The following CACNA2D1 variants were observed in gnomAD, a reference collection of about 807,000 sequenced individuals.
The protein encoded by CACNA2D1 is calcium voltage-gated channel auxiliary subunit alpha2delta 1.
A neutral mutation model predicts 171.5 loss-of-function variants in CACNA2D1; 53 were observed. The ratio of observed to expected loss-of-function variants is 0.31; its 90% CI spans 0.25 to 0.39. CACNA2D1 has a LOEUF of 0.39. Ranked by LOEUF, CACNA2D1 falls within the 10% of genes least tolerant of loss-of-function variation. The pLI, the probability that CACNA2D1 is intolerant of heterozygous loss-of-function variation, is 1.00. For synonymous variants in CACNA2D1, 442 were observed against 443.1 expected, an observed-to-expected ratio of 1.00 and a Z score of 0.03; for missense variants, 903 against 1,299.8, an observed-to-expected ratio of 0.69 and a Z score of 4.69.
chr7:82,210,052 T>C (rs1344480127), intron 3 of CACNA2D1, among the ~76,000 whole-genome samples: 1 of 152,160 alleles, frequency 6.6e-6, no homozygotes, highest in Admixed American at 6.5e-5. Context: ...TCAACTTAAA[T>C]ATAAAAGCTA....
chr7:82,413,534 T>C (rs2129455670), intron 1 of CACNA2D1, among the ~76,000 whole-genome samples: 2 of 152,356 alleles, frequency 1.3e-5, no homozygotes, highest in South Asian at 4.1e-4. Context: ...GGACTTGTTC[T>C]ATTATTCATA....
At chr7:82,364,909 T>G (rs1319580279) in intron 1 of CACNA2D1, among the ~76,000 whole-genome samples, 1 of 152,114 alleles carries the variant, frequency 6.6e-6, no homozygotes, top group Non-Finnish European at 1.5e-5. Flanking sequence ...TCTTTCCTCT[T>G]CAGTAGAGAC....
chr7:82,042,722 G>A (rs1311662133), intron 10 of CACNA2D1, among the ~76,000 whole-genome samples: 1 of 152,018 alleles, frequency 6.6e-6, no homozygotes, highest in East Asian at 1.9e-4. Context: ...TGTTCCTTCT[G>A]CCAAAAACAC....
chr7:82,038,922 A>G (rs1421792548), intron 10 of CACNA2D1, among the ~76,000 whole-genome samples: 1 of 152,210 alleles, frequency 6.6e-6, no homozygotes, highest in Non-Finnish European at 1.5e-5. Context: ...AAGAACGATC[A>G]TCAAAGTAAC....
intron 6 of CACNA2D1, among the ~76,000 whole-genome samples, chr7:82,100,080 G>C (rs258670): frequency 0.84 from 127,560 of 152,054 alleles, 53,939 homozygotes; most frequent in African/African-American, 0.95. Context: ...AAGAAAAATA[G>C]ATTTCAAAGG....
intron 1 of CACNA2D1, among the ~76,000 whole-genome samples, chr7:82,428,274 A>G (rs576544578): frequency 2.6e-4 from 40 of 152,294 alleles, no homozygotes; most frequent in African/African-American, 9.1e-4. Context: ...GTGTAACTTG[A>G]CAGGAATCTG....
Position 81,964,217 on chromosome 7 carries a change from G to T in CACNA2D1, c.2717C>A (p.Ser906Ter). The T allele has an allele frequency of 6.2e-7, 1 of 1,612,798 alleles. No individual in the cohort carries two copies. The highest frequency in any genetic ancestry group is 1.1e-5 in the South Asian group (1 of 91,064). ...AAPKQGAGHR[S>*]AYVPSVADIL... ...GTGGATATTACTGACCACATATGCT[G>T]AGCGATGTCCTGCTCCTTGTTTTGG... is the stretch of plus-strand genomic sequence containing the variant. The change falls in exon 33 of 39, where the codon TCA (serine) becomes TAA (stop). Residue 906 changes from serine (S) to a stop codon, truncating the protein, a stop_gained. Transcript: ENST00000356860. LOFTEE classifies it high-confidence loss of function.
chr7:82,332,371 A>C (rs1416328701), intron 3 of CACNA2D1, among the ~76,000 whole-genome samples: 2 of 152,114 alleles, frequency 1.3e-5, no homozygotes, highest in African/African-American at 4.8e-5. Context: ...TATTATTTTC[A>C]ATGAAATGTT....
intron 24 of CACNA2D1, among the ~76,000 whole-genome samples, chr7:81,975,245 ACTGT>A (rs1795717600): frequency 1.3e-5 from 2 of 152,270 alleles, no homozygotes; most frequent in Non-Finnish European, 2.9e-5. Flanking sequence ...TGAATCTATG[ACTGT>A]CTGAAAATAA....
chr7:82,260,086 G>A (rs1806876325), intron 3 of CACNA2D1, among the ~76,000 whole-genome samples: 1 of 152,122 alleles, frequency 6.6e-6, no homozygotes, highest in Non-Finnish European at 1.5e-5. Flanking sequence ...GCTTTGCATG[G>A]TGGTGGGCGC....
intron 1 of CACNA2D1, among the ~76,000 whole-genome samples, chr7:82,381,595 A>G (rs150744288): frequency 6.6e-6 from 1 of 152,314 alleles, no homozygotes; most frequent in African/African-American, 2.4e-5. Flanking sequence ...TATGGGAGGA[A>G]GTTTACAAAA....
intron 1 of CACNA2D1, among the ~76,000 whole-genome samples, chr7:82,411,363 T>C (rs1827631440): frequency 6.6e-6 from 1 of 152,276 alleles, no homozygotes; most frequent in South Asian, 2.1e-4. Context: ...TTCAGTGTCT[T>C]CATTTATAAA....
intron 18 of CACNA2D1, among the ~76,000 whole-genome samples, chr7:82,003,610 T>G (rs1258590708): frequency 1.3e-5 from 2 of 150,038 alleles, no homozygotes; most frequent in Non-Finnish European, 3.0e-5. Context: ...TATAGATATA[T>G]AGATATATAT....
intron 3 of CACNA2D1, among the ~76,000 whole-genome samples, chr7:82,313,606 C>T (rs967515169): frequency 2.0e-5 from 3 of 152,202 alleles, no homozygotes; most frequent in African/African-American, 4.8e-5. Context: ...CTACTCCTTC[C>T]ATAACCTCAA....
At chr7:82,140,166 C>A (rs1423153849) in intron 4 of CACNA2D1, among the ~76,000 whole-genome samples, 4 of 151,732 alleles carry the variant, frequency 2.6e-5, no homozygotes, top group Non-Finnish European at 5.9e-5. Context: ...ATGAAAAAAA[C>A]AAAACTGACT....
chr7:82,015,941 C>A (rs932400374), intron 12 of CACNA2D1, among the ~76,000 whole-genome samples: 1 of 152,170 alleles, frequency 6.6e-6, no homozygotes, highest in African/African-American at 2.4e-5. Flanking sequence ...CTTACATCAT[C>A]CAGGTTTGCC....
intron 10 of CACNA2D1, among the ~76,000 whole-genome samples, chr7:82,051,505 A>C (rs1418675840): frequency 6.6e-6 from 1 of 152,216 alleles, no homozygotes; most frequent in East Asian, 1.9e-4. Context: ...ACAGTATTTT[A>C]TAATGACTGT....
intron 1 of CACNA2D1, among the ~76,000 whole-genome samples, chr7:82,442,622 G>T (rs192881472): frequency 2.6e-5 from 4 of 152,114 alleles, no homozygotes; most frequent in Admixed American, 6.5e-5. Context: ...TTTTAGAAAT[G>T]GTAAAAATAA....
At chr7:82,281,101 A>G (rs1236356577) in intron 3 of CACNA2D1, among the ~76,000 whole-genome samples, 1 of 152,312 alleles carries the variant, frequency 6.6e-6, no homozygotes, top group East Asian at 1.9e-4. Context: ...CCTCCACATC[A>G]GCATCAACTA....
Sources: allele counts gnomAD v4.1 joint callset (sites outside exome capture counted in the v4.1 genomes callset), GRCh38; gene constraint gnomAD v4.1.1; transcripts MANE v1.5; gene names NCBI Gene and HGNC (gene_info 2026-07-23, HGNC 2026-07-21).